The following SCN9A variants were observed in gnomAD, a reference collection of about 807,000 sequenced individuals.
SCN9A encodes the protein sodium voltage-gated channel alpha subunit 9.
In SCN9A, 131 loss-of-function variants were observed where a neutral mutation model predicts 187.0. That is an observed-to-expected ratio of 0.70 (90% CI 0.61 to 0.81). The LOEUF (loss-of-function observed/expected upper bound fraction) is 0.81. Among genes scored for constraint, SCN9A ranks in the 30% least tolerant of loss-of-function variants. The pLI is 0.00. For missense variants in SCN9A, 2,252 were observed against 2,396.6 expected, an observed-to-expected ratio of 0.94 and a Z score of 1.26; for synonymous variants, 809 against 808.6, an observed-to-expected ratio of 1.00 and a Z score of -0.01.
At chr2:166,248,061 A>G (rs535841155) in intron 18 of SCN9A, 2 of 152,330 alleles carry the variant, frequency 1.3e-5, no homozygotes, top group African/African-American at 4.8e-5. Context: ...AGTGATAATT[A>G]TGAAGCTGAA....
At chr2:166,274,061 T>C (rs1286427151) in intron 16 of SCN9A, among the ~76,000 whole-genome samples, 1 of 152,174 alleles carries the variant, frequency 6.6e-6, no homozygotes, top group Admixed American at 6.6e-5. Context: ...AAATACATGT[T>C]TGTGTATATT....
intron 13 of SCN9A, 139 bp from the exon 14 acceptor site, chr2:166,280,734 G>T: frequency 1.6e-6 from 1 of 612,390 alleles, no homozygotes; most frequent in Non-Finnish European, 2.9e-6. Flanking sequence ...CTATTTCAAT[G>T]AAAGCATAGC....
chr2:166,264,225 G>A (rs1348919449), intron 17 of SCN9A, among the ~76,000 whole-genome samples: 4 of 151,846 alleles, frequency 2.6e-5, no homozygotes, highest in Non-Finnish European at 5.9e-5. Context: ...TTGACAAATG[G>A]GTGCATTTCA....
At chr2:166,305,413 G>A (rs1201332956) in intron 5 of SCN9A, among the ~76,000 whole-genome samples, 1 of 151,810 alleles carries the variant, frequency 6.6e-6, no homozygotes, top group Non-Finnish European at 1.5e-5. Flanking sequence ...GAATAATACA[G>A]GGTAATATAA....
rs532232329 is a variant in SCN9A at position 166,374,559 on chromosome 2, A to C, written c.-51+1138T>G. 2.6e-5 allele frequency among the ~76,000 whole-genome samples: 4 copies of C among 152,254 alleles called. No homozygotes were observed. In the Middle Eastern group the frequency reaches 0.01, roughly 388 times the overall value. On this transcript the variant is annotated intron_variant, in intron 1 of 26. Transcript: ENST00000642356. ...GTGGAAAAAATCTGAAGAATTTGCA[A>C]TAAAATGAACAGTTTAATAATTGGA...
In SCN9A at chr2:166,272,645, T is replaced by TC; in HGVS notation, c.3104_3105insG (p.Asn1036LysfsTer5). 1 of 1,613,092 alleles carries TC rather than the reference T, an allele frequency of 6.2e-7. No homozygotes were observed. Among genetic ancestry groups the TC allele is most frequent in the Non-Finnish European group, 8.5e-7 (1 of 1,179,586 alleles). On this transcript the variant is annotated frameshift_variant, in exon 17 of 27. Transcript: ENST00000642356. LOFTEE classifies it high-confidence loss of function. ...CAAGTGTATGGTTAGAAATATAGTT[T>TC]TCCTTCTTAGTATTCAGATCTTCTG...
At chr2:166,288,311 C>G (rs777247253) in intron 10 of SCN9A, 126 bp downstream of exon 10, 94 of 659,790 alleles carry the variant, frequency 1.4e-4, no homozygotes, top group Non-Finnish European at 2.1e-4. Flanking sequence ...AATGAGGATA[C>G]AGTTTATACA....
At chr2:166,375,338 T>C (rs908797819) in intron 1 of SCN9A, among the ~76,000 whole-genome samples, 2 of 152,184 alleles carry the variant, frequency 1.3e-5, no homozygotes, top group East Asian at 3.9e-4. Flanking sequence ...GCCCCTTGAA[T>C]TGAAGTCCAT....
At position 166,272,443 on chromosome 2, in the gene SCN9A, C is replaced by T. The variant is rs1321452733; in HGVS notation, c.3307G>A (p.Ala1103Thr). 1 of 1,609,862 alleles carries T rather than the reference C, an allele frequency of 6.2e-7. No homozygotes were observed. Among genetic ancestry groups the T allele is most frequent in the African/African-American group, 1.3e-5 (1 of 74,944 alleles). The change falls in exon 17 of 27, where the codon GCT becomes ACT. Residue 1103 changes from alanine to threonine, a missense_variant. Coordinates refer to ENST00000642356, the MANE Select transcript of SCN9A (RefSeq NM_001365536.1). ...PGESDLENMN[A>T]EELSSDSDSE... The stretch of plus-strand genomic sequence containing the variant: ...TCCGAATCACTGCTAAGTTCCTCAG[C>T]ATTCATATTTTCCAAATCGGATTCC...
intron 1 of SCN9A, among the ~76,000 whole-genome samples, chr2:166,346,938 A>G (rs182164896): frequency 1.8e-3 from 280 of 152,358 alleles, no homozygotes; most frequent in African/African-American, 6.4e-3. Context: ...TGAACCTCAC[A>G]CTAGACAGAA....
At chr2:166,354,425 T>TGGA (rs1427942830) in intron 1 of SCN9A, among the ~76,000 whole-genome samples, 2 of 152,082 alleles carry the variant, frequency 1.3e-5, no homozygotes, top group Non-Finnish European at 2.9e-5. Context: ...GACAATATGG[T>TGGA]GGACACCAAC....
intron 17 of SCN9A, among the ~76,000 whole-genome samples, chr2:166,266,912 A>G (rs956716830): frequency 6.6e-6 from 1 of 151,928 alleles, no homozygotes; most frequent in Non-Finnish European, 1.5e-5. Context: ...TGTGTCCTCC[A>G]ACATTACTGA....
intron 9 of SCN9A, among the ~76,000 whole-genome samples, chr2:166,291,652 G>A (rs1378414104): frequency 6.6e-6 from 1 of 152,024 alleles, no homozygotes; most frequent in South Asian, 2.1e-4. Flanking sequence ...GGAGGCATCA[G>A]CCTACCTGAC....
intron 20 of SCN9A, among the ~76,000 whole-genome samples, chr2:166,235,715 C>A (rs1695287662): frequency 6.6e-6 from 1 of 151,382 alleles, no homozygotes; most frequent in Non-Finnish European, 1.5e-5. Flanking sequence ...AAATCTGTGT[C>A]CCAAAATTTG....
intron 1 of SCN9A, among the ~76,000 whole-genome samples, chr2:166,362,877 C>T (rs1446388492): frequency 1.3e-5 from 2 of 152,086 alleles, no homozygotes; most frequent in East Asian, 3.9e-4. Flanking sequence ...ATTATTCTAA[C>T]TGATGAATTG....
chr2:166,281,861 G>T, intron 12 of SCN9A, 53 bp from the exon 13 acceptor site: 6 of 1,524,966 alleles, frequency 3.9e-6, no homozygotes, highest in Non-Finnish European at 5.3e-6. Context: ...TAAATTGTAG[G>T]TATAAGATAA....
At position 166,228,647 on chromosome 2, in the gene SCN9A, A is replaced by G. The variant is rs1694949125; in HGVS notation, c.4206+44T>C. 2.1e-6 allele frequency: 3 copies of G among 1,454,706 alleles called. No individual in the cohort carries two copies. In the East Asian group the frequency reaches 6.8e-5, roughly 33 times the overall value. 90.1% of individuals were successfully genotyped at this position (1,454,706 alleles called of 1,614,324 possible). A position where few individuals can be genotyped will look rare whatever the true frequency, so the allele number is the denominator to read the frequency against. On this transcript the variant is annotated intron_variant, in intron 22 of 26. Transcript: ENST00000642356. Reference sequence around the variant, plus strand: ...AAAGAATAACTTATATCCTTCGTCCAATATCTATTAAAATACCAAGCACTC... The same window carrying G: ...AAAGAATAACTTATATCCTTCGTCCGATATCTATTAAAATACCAAGCACTC...
chr2:166,370,251 A>ATCATCATCATCG (rs1231596913), intron 1 of SCN9A, among the ~76,000 whole-genome samples: 1 of 149,750 alleles, frequency 6.7e-6, no homozygotes, highest in African/African-American at 2.4e-5. Flanking sequence ...CATCATCATC[A>ATCATCATCATCG]TTAGATAATG....
chr2:166,338,004 G>T (rs558121403), intron 1 of SCN9A, among the ~76,000 whole-genome samples: 179 of 152,174 alleles, frequency 1.2e-3, no homozygotes, highest in African/African-American at 4.2e-3. Context: ...ATAAGAAGAG[G>T]TCTATGGACT....
Sources: allele counts gnomAD v4.1 joint callset (sites outside exome capture counted in the v4.1 genomes callset), GRCh38; gene constraint gnomAD v4.1.1; transcripts MANE v1.5; gene names NCBI Gene and HGNC (gene_info 2026-07-23, HGNC 2026-07-21).